PBX1: variants seen among roughly 807,000 people sequenced by gnomAD.
PBX1 encodes the protein PBX homeobox 1.
Under a neutral mutation model 53.4 loss-of-function variants are expected in PBX1, and 6 were observed. The observed-to-expected ratio is 0.11, with a 90% CI of 0.06 to 0.22. The LOEUF (loss-of-function observed/expected upper bound fraction) is 0.22. Ranked by LOEUF, PBX1 falls within the 10% of genes least tolerant of loss-of-function variation. The pLI is 1.00. For synonymous variants in PBX1, 204 were observed against 212.3 expected (o/e 0.96, Z 0.34); for missense variants, 251 against 551.4 (o/e 0.46, Z 5.46).
intron 2 of PBX1, among the ~76,000 whole-genome samples, chr1:164,758,200 C>T (rs922305925): frequency 3.3e-5 from 5 of 152,196 alleles, no homozygotes; most frequent in African/African-American, 1.2e-4. Context: ...TACAGAATCA[C>T]AGATCTGTGA....
chr1:164,719,071 A>G (rs543875233), intron 2 of PBX1, among the ~76,000 whole-genome samples: 33 of 152,180 alleles, frequency 2.2e-4, no homozygotes, highest in Non-Finnish European at 4.6e-4. Flanking sequence ...CTCACAGGCA[A>G]TGACCCCGTC....
intron 2 of PBX1, among the ~76,000 whole-genome samples, chr1:164,792,032 C>A (rs925682780): frequency 6.6e-6 from 1 of 152,100 alleles, no homozygotes; most frequent in Non-Finnish European, 1.5e-5. Flanking sequence ...ACCATGTTTG[C>A]CAGGATGGTC....
At chr1:164,586,442 GAT>G (rs1422391430) in intron 2 of PBX1, among the ~76,000 whole-genome samples, 3 of 152,148 alleles carry the variant, frequency 2.0e-5, no homozygotes, top group Non-Finnish European at 4.4e-5. Flanking sequence ...GCAGCATTAT[GAT>G]GCAAGGGAAC....
intron 2 of PBX1, among the ~76,000 whole-genome samples, chr1:164,868,340 C>A (rs1475882507): frequency 6.6e-6 from 1 of 152,096 alleles, no homozygotes; most frequent in Non-Finnish European, 1.5e-5. Flanking sequence ...AGCTAGTGAG[C>A]CCAGAGGAGC....
At chr1:164,752,550 T>C (rs989939466) in intron 2 of PBX1, among the ~76,000 whole-genome samples, 4 of 152,190 alleles carry the variant, frequency 2.6e-5, no homozygotes, top group African/African-American at 9.7e-5. Flanking sequence ...CTGACAGTTA[T>C]ATAATCTAAT....
intron 2 of PBX1, among the ~76,000 whole-genome samples, chr1:164,669,669 A>G (rs1661008720): frequency 6.6e-6 from 1 of 152,128 alleles, no homozygotes; most frequent in Admixed American, 6.5e-5. Flanking sequence ...GGTTCATGCA[A>G]CAAATCCTCA....
chr1:164,712,493 G>A (rs1488343991), intron 2 of PBX1, among the ~76,000 whole-genome samples: 2 of 152,200 alleles, frequency 1.3e-5, no homozygotes, highest in Non-Finnish European at 2.9e-5. Context: ...GTGAGCACAG[G>A]AGCCCAATCG....
chr1:164,868,863 C>T (rs1008913280), intron 2 of PBX1, among the ~76,000 whole-genome samples: 4 of 152,136 alleles, frequency 2.6e-5, no homozygotes, highest in African/African-American at 7.2e-5. Context: ...GATGGCGAGA[C>T]ATTTCACATC....
At chr1:164,734,191 T>C (rs1420189631) in intron 2 of PBX1, among the ~76,000 whole-genome samples, 2 of 152,202 alleles carry the variant, frequency 1.3e-5, no homozygotes, top group Non-Finnish European at 2.9e-5. Flanking sequence ...ACTTTGGAGT[T>C]ATCTCCTTTC....
rs2347802 is a variant in PBX1, at chr1:164,850,162, C to T, written c.*3486C>T. 1.6e-4 allele frequency: 36 copies of T among 227,548 alleles called. No homozygotes were observed. Among genetic ancestry groups the T allele is most frequent in the Middle Eastern group, 1.3e-3 (1 of 752 alleles). 14.1% of individuals were successfully genotyped at this position (227,548 alleles called of 1,614,324 possible). ...TTCCCCTCTTCTTTCTGTGACAATG[C>T]GCATCATTCCTGCATTAGTTTTTAA... On this transcript the variant is annotated 3_prime_UTR_variant, in exon 9 of 9. Transcript: ENST00000420696.
intron 8 of PBX1, among the ~76,000 whole-genome samples, chr1:164,838,889 C>T (rs1671166438): frequency 6.6e-6 from 1 of 152,186 alleles, no homozygotes; most frequent in South Asian, 2.1e-4. Flanking sequence ...TGAGCAGCTG[C>T]TGTGTCAAAC....
intron 2 of PBX1, among the ~76,000 whole-genome samples, chr1:164,719,761 A>C (rs1436835469): frequency 6.6e-6 from 1 of 152,092 alleles, no homozygotes; most frequent in Non-Finnish European, 1.5e-5. Flanking sequence ...TGGAAAGCAC[A>C]TGGGGGGTAT....
At chr1:164,693,160 C>T (rs1377136479) in intron 2 of PBX1, among the ~76,000 whole-genome samples, 2 of 152,192 alleles carry the variant, frequency 1.3e-5, no homozygotes, top group Non-Finnish European at 2.9e-5. Context: ...ATTTAAACTA[C>T]AAGCAACAGC....
chr1:164,664,691 C>T (rs577198536), intron 2 of PBX1, among the ~76,000 whole-genome samples: 1 of 152,300 alleles, frequency 6.6e-6, no homozygotes, highest in South Asian at 2.1e-4. Flanking sequence ...GGCTTAATGA[C>T]TTACAGTTCC....
chr1:164,721,287 A>T (rs1484153734), intron 2 of PBX1, among the ~76,000 whole-genome samples: 2 of 152,110 alleles, frequency 1.3e-5, no homozygotes, highest in East Asian at 3.9e-4. Flanking sequence ...GCCCTTGAGC[A>T]GGCATTTGAC....
At chr1:164,880,386 T>A (rs1362021393) in intron 2 of PBX1, among the ~76,000 whole-genome samples, 1 of 152,232 alleles carries the variant, frequency 6.6e-6, no homozygotes, top group East Asian at 1.9e-4. Flanking sequence ...TATATCGTGC[T>A]ACAGCATGTC....
At chr1:164,796,192 G>C (rs933913793) in intron 3 of PBX1, among the ~76,000 whole-genome samples, 6 of 151,946 alleles carry the variant, frequency 3.9e-5, no homozygotes, top group African/African-American at 1.5e-4. Context: ...TGTATTTTTA[G>C]TAGAGATGAG....
At chr1:164,842,457 G>A (rs1054029303) in intron 8 of PBX1, among the ~76,000 whole-genome samples, 12 of 152,086 alleles carry the variant, frequency 7.9e-5, no homozygotes, top group African/African-American at 1.7e-4. Context: ...TTTTATTCCC[G>A]AAACACTTTG....
chr1:164,722,904 A>G (rs1290052686), intron 2 of PBX1, among the ~76,000 whole-genome samples: 1 of 152,162 alleles, frequency 6.6e-6, no homozygotes, highest in African/African-American at 2.4e-5. Flanking sequence ...TTATACATGT[A>G]TGATTTTTTA....
Sources: allele counts gnomAD v4.1 joint callset (sites outside exome capture counted in the v4.1 genomes callset), GRCh38; gene constraint gnomAD v4.1.1; transcripts MANE v1.5; gene names NCBI Gene and HGNC (gene_info 2026-07-23, HGNC 2026-07-21).